The following PSMC5 variants were observed in gnomAD, a reference collection of about 807,000 sequenced individuals.
The protein encoded by PSMC5 is proteasome 26S subunit, ATPase 5.
Under a neutral mutation model 49.1 loss-of-function variants are expected in PSMC5, and 11 were observed. The ratio of observed to expected loss-of-function variants is 0.22; its 90% CI spans 0.14 to 0.37. The LOEUF (loss-of-function observed/expected upper bound fraction) is 0.37, where lower values mean the gene tolerates loss of function less well. PSMC5 is among the 10% of genes least tolerant of loss of function. The pLI, the probability that PSMC5 is intolerant of heterozygous loss-of-function variation, is 1.00. For missense variants in PSMC5, 229 were observed against 520.9 expected, an observed-to-expected ratio of 0.44 and a Z score of 5.45; for synonymous variants, 206 against 192.2, an observed-to-expected ratio of 1.07 and a Z score of -0.59.
rs566324513 is a variant in PSMC5, at chr17:63,830,348, A to G, written c.399A>G (p.Pro133=). The change falls in exon 6 of 12, where the codon CCA becomes CCG. Residue 133 remains proline (P), a synonymous_variant. Coordinates refer to ENST00000310144, the MANE Select transcript of PSMC5 (RefSeq NM_002805.6). The surrounding 1 kb of genome is among the most constrained non-coding windows in gnomAD (Gnocchi z 4.0). ...AGATCCTGCCCAACAAGGTAGACCCATTAGTGTCACTGATGATGGTGGAGA... is the reference window on the plus strand; with the variant it reads ...AGATCCTGCCCAACAAGGTAGACCCGTTAGTGTCACTGATGATGGTGGAGA... ...LHKILPNKVD[P]LVSLMMVEKV... 16 of 1,614,244 alleles carry G rather than the reference A, an allele frequency of 9.9e-6. No individual in the cohort carries two copies. In the South Asian group the frequency reaches 1.2e-4, roughly 12 times the overall value.
chr17:63,827,662 C>T (rs2040126525), intron 1 of PSMC5, 148 bp downstream of exon 1: 4 of 1,490,086 alleles, frequency 2.7e-6, no homozygotes, highest in Non-Finnish European at 8.9e-7. Flanking sequence ...GCGACCGGAT[C>T]TGCTGTGTCA....
intron 1 of PSMC5, chr17:63,827,816 G>T: frequency 7.0e-7 from 1 of 1,428,218 alleles, no homozygotes; most frequent in Non-Finnish European, 9.1e-7. Context: ...CGTTCCGCTG[G>T]CTCCTTCGTC....
chr17:63,828,063 T>C (rs1188075592), intron 1 of PSMC5, 75 bp from the exon 2 acceptor site: 8 of 1,555,416 alleles, frequency 5.1e-6, no homozygotes, highest in Admixed American at 5.1e-5. Flanking sequence ...TCAAGCCTTA[T>C]TCAAAGTGCC....
rs984953757 is a variant in PSMC5 at position 63,827,507 on chromosome 17, C to T, written c.17C>T (p.Pro6Leu). 3.1e-5 allele frequency: 48 copies of T among 1,551,772 alleles called. No individual in the cohort carries two copies. Among genetic ancestry groups the T allele is most frequent in the Non-Finnish European group, 4.2e-5 (48 of 1,147,008 alleles). The change falls in exon 1 of 12, where the codon CCA (proline) becomes CTA (leucine). Residue 6 changes from proline (P) to leucine (L), a missense_variant. Physicochemically the swap from Pro to Leu is moderately conservative, Grantham distance 98 (BLOSUM62 -3). Around this residue, in one of 4 missense-constraint regions of PSMC5, gnomAD observed 98 missense variants for 144.0 expected, o/e 0.68. Transcript: ENST00000310144. ...AGAGAGAAGATGGCGCTTGACGGAC[C>T]AGAGCAGGTATGGCGGGTGCAGTGG... is the stretch of plus-strand genomic sequence containing the variant. MALDGPEQMELEEGKA... is the reference protein window; with the variant it reads MALDGLEQMELEEGKA...
At chr17:63,827,756 G>A in intron 1 of PSMC5, 2 of 1,432,896 alleles carry the variant, frequency 1.4e-6, no homozygotes, top group Non-Finnish European at 1.8e-6. Context: ...ATGGGCGCGG[G>A]AATGGCCGGC....
At chr17:63,827,568 G>A (rs1201316299) in intron 1 of PSMC5, 54 bp downstream of exon 1, 2 of 1,551,434 alleles carry the variant, frequency 1.3e-6, no homozygotes, top group African/African-American at 2.7e-5. Context: ...TGCGGAGCGA[G>A]CGTGATCTGA....
chr17:63,830,882 G>C lies in PSMC5; in HGVS notation c.626G>C (p.Cys209Ser). The C allele has an allele frequency of 6.2e-7, 1 of 1,614,030 alleles. No individual in the cohort carries two copies. The highest frequency in any genetic ancestry group is 8.5e-7 in the Non-Finnish European group (1 of 1,179,952). The change falls in exon 7 of 12, where the codon TGT becomes TCT. Residue 209 changes from cysteine (C) to serine (S), a missense_variant. This residue lies in a region of PSMC5 where 121 missense variants were observed against 330.6 expected (regional missense o/e 0.37). Coordinates refer to ENST00000310144, the MANE Select transcript of PSMC5 (RefSeq NM_002805.6). This position sits in a 1 kb window ranked among gnomAD's most constrained non-coding sequence, Gnocchi z 4.0. ...CGGGCTGTGGCTCATCATACGGACT[G>C]TACCTTTATTCGTGTCTCTGGCTCT... ...LARAVAHHTD[C>S]TFIRVSGSEL... is the part of the protein sequence containing the mutation.
In PSMC5 at chr17:63,828,318, T is replaced by C. The variant is rs1483713761; in HGVS notation, c.96+109T>C. 3 of 1,075,642 alleles carry C rather than the reference T, an allele frequency of 2.8e-6. No homozygotes were observed. The African/African-American group carries it at 4.7e-5, about 17-fold the overall frequency. 66.6% of individuals were successfully genotyped at this position (1,075,642 alleles called of 1,614,324 possible). A position where few individuals can be genotyped will look rare whatever the true frequency, so the allele number is the denominator to read the frequency against. ...GGAGTGCAGTGGAAGAAGCTGCTGC[T>C]TCTCCTTTCTTGTTTGTTTCTTAGC... On this transcript the variant is annotated intron_variant, in intron 2 of 11. Coordinates refer to ENST00000310144, the MANE Select transcript of PSMC5 (RefSeq NM_002805.6).
At position 63,830,268 on chromosome 17, in the gene PSMC5, C is replaced by A. The variant is rs113539687; in HGVS notation, c.322-3C>A. ...ACTTCTGAAACTCGCCCCCTTCACC[C>A]AGGTGACACCCAATTGCCGGGTGGC... On this transcript the variant is annotated splice_region_variant and splice_polypyrimidine_tract_variant and intron_variant, in intron 5 of 11. Coordinates refer to ENST00000310144, the MANE Select transcript of PSMC5 (RefSeq NM_002805.6). This position sits in a 1 kb window ranked among gnomAD's most constrained non-coding sequence, Gnocchi z 4.0. 47 of 1,613,964 alleles carry A rather than the reference C, an allele frequency of 2.9e-5. No homozygotes were observed. Among genetic ancestry groups the A allele is most frequent in the Non-Finnish European group, 3.8e-5 (45 of 1,180,034 alleles).
chr17:63,829,685 C>T (rs1366585579), intron 3 of PSMC5, 122 bp downstream of exon 3: 8 of 1,216,682 alleles, frequency 6.6e-6, no homozygotes, highest in South Asian at 5.4e-5. Context: ...CTAGTAGTTT[C>T]ACATGCATCT....
intron 3 of PSMC5, 108 bp downstream of exon 3, chr17:63,829,671 T>C: frequency 7.9e-7 from 1 of 1,273,020 alleles, no homozygotes; most frequent in South Asian, 1.3e-5. Context: ...CTCCCTGTCA[T>C]CATCTAGTAG....
Position 63,831,482 on chromosome 17 carries a change from C to T in PSMC5, c.970-24C>T, listed in dbSNP as rs1772719673. The T allele has an allele frequency of 2.5e-6, 4 of 1,613,410 alleles. No individual in the cohort carries two copies. Among genetic ancestry groups the T allele is most frequent in the Non-Finnish European group, 3.4e-6 (4 of 1,179,438 alleles). Reference sequence around the variant, plus strand: ...GGCTGTGGGGGTGGGGTGTGGGGCTCAGGCTTTTCCTTGCCATCTCCAGGC... The same window carrying T: ...GGCTGTGGGGGTGGGGTGTGGGGCTTAGGCTTTTCCTTGCCATCTCCAGGC... On this transcript the variant is annotated intron_variant, in intron 9 of 11. Transcript: ENST00000310144. The surrounding 1 kb of genome is among the most constrained non-coding windows in gnomAD (Gnocchi z 6.3).
intron 2 of PSMC5, chr17:63,829,107 G>C (rs184887903): frequency 1.6e-5 from 3 of 191,450 alleles, no homozygotes; most frequent in African/African-American, 7.0e-5. Flanking sequence ...TTTAAAAATA[G>C]ATTGTCTTAC....
intron 3 of PSMC5, 106 bp from the exon 4 acceptor site, chr17:63,829,746 T>C (rs2040159253): frequency 7.4e-7 from 1 of 1,345,852 alleles, no homozygotes; most frequent in Non-Finnish European, 1.1e-6. Flanking sequence ...ATTTTGACCT[T>C]TGGCCTTCCT....
At chr17:63,827,890 T>A in intron 1 of PSMC5, 2 of 1,420,488 alleles carry the variant, frequency 1.4e-6, no homozygotes, top group Non-Finnish European at 1.8e-6. Context: ...GTCTATATCA[T>A]ATCGCCTCTC....
chr17:63,827,592 C>T, intron 1 of PSMC5, 78 bp downstream of exon 1: 7 of 1,550,764 alleles, frequency 4.5e-6, no homozygotes, highest in Non-Finnish European at 6.1e-6. Flanking sequence ...GAGAGCGGGC[C>T]GGGGCAGGAG....
At chr17:63,828,501 G>T (rs1347262324) in intron 2 of PSMC5, 3 of 281,634 alleles carry the variant, frequency 1.1e-5, no homozygotes, top group Non-Finnish European at 2.0e-5. Flanking sequence ...GAAGAAGCCC[G>T]AATGAAAAGG....
At position 63,830,520 on chromosome 17, in the gene PSMC5, C is replaced by G; in HGVS notation, c.552+19C>G. ...GCCCAAGGTGAGGAGCAGGGCTTCT[C>G]TGAGAGGGCCAAGCTGTACTTACTC... On this transcript the variant is annotated intron_variant, in intron 6 of 11. Transcript: ENST00000310144. This position sits in a 1 kb window ranked among gnomAD's most constrained non-coding sequence, Gnocchi z 4.0. The G allele has an allele frequency of 1.2e-6, 2 of 1,612,540 alleles. No individual in the cohort carries two copies. The highest frequency in any genetic ancestry group is 1.7e-6 in the Non-Finnish European group (2 of 1,179,606).
Position 63,827,446 on chromosome 17 carries a change from C to A in PSMC5, c.-45C>A, listed in dbSNP as rs754204473. 4.5e-6 allele frequency: 7 copies of A among 1,551,738 alleles called. No homozygotes were observed. In the South Asian group the frequency reaches 8.3e-5, roughly 18 times the overall value. On this transcript the variant is annotated 5_prime_UTR_variant, in exon 1 of 12. Transcript: ENST00000310144. ...CCAATCCTCCGCTTCCGCGCTTGCG[C>A]GCCAAGACGGCTCGGATGCCGGCGG...
Sources: gnomAD v4.1 joint callset for allele counts on GRCh38, gnomAD v4.1.1 for gene constraint, gnomAD v4.1.1 regional missense constraint, Gnocchi (gnomAD v3.1) non-coding constraint, MANE v1.5 for transcripts, NCBI Gene and HGNC (gene_info 2026-07-23, HGNC 2026-07-21) for gene names.